Variants in CHIC2 observed in about 807,000 individuals in gnomAD.
CHIC2 encodes cysteine-rich hydrophobic domain-containing protein 2.
CHIC2 carries 14 observed loss-of-function variants against 25.9 expected under a neutral mutation model. That is an observed-to-expected ratio of 0.54 (90% CI 0.36 to 0.85). CHIC2 has a LOEUF of 0.85. Ranked by LOEUF, CHIC2 falls within the 40% of genes least tolerant of loss-of-function variation. CHIC2 has a pLI of 0.01. For missense variants in CHIC2, 146 were observed against 202.0 expected (o/e 0.72, Z 1.68); for synonymous variants, 70 against 72.0 (o/e 0.97, Z 0.14).
chr4:54,080,073 A>G, the CHIC2 span, among the ~76,000 whole-genome samples: 1 of 151,104 alleles, frequency 6.6e-6, no homozygotes, highest in Non-Finnish European at 1.5e-5. Context: ...TATGATATCA[A>G]CTTAAGTATT....
chr4:54,043,091 G>T (rs1577977517), intron 3 of CHIC2, among the ~76,000 whole-genome samples: 1 of 152,182 alleles, frequency 6.6e-6, no homozygotes, highest in East Asian at 1.9e-4. Context: ...AGGGCAGACT[G>T]CTTGAGTCCA....
chr4:54,056,146 TAAG>T (rs1320933509), intron 1 of CHIC2, among the ~76,000 whole-genome samples: 1 of 152,152 alleles, frequency 6.6e-6, no homozygotes, highest in Non-Finnish European at 1.5e-5. Flanking sequence ...TTTTAATTAT[TAAG>T]GTTATAATTT....
At chr4:54,079,727 A>G in the CHIC2 span, among the ~76,000 whole-genome samples, 4 of 152,174 alleles carry the variant, frequency 2.6e-5, no homozygotes, top group Non-Finnish European at 1.5e-5. Context: ...ATCACTTCAC[A>G]CCTGTTAGAA....
At chr4:54,027,679 A>C (rs999554879) in intron 3 of CHIC2, among the ~76,000 whole-genome samples, 3 of 152,218 alleles carry the variant, frequency 2.0e-5, no homozygotes, top group Admixed American at 6.5e-5. Flanking sequence ...GCCTAGGGCT[A>C]GATAAAGAAA....
intron 5 of CHIC2, among the ~76,000 whole-genome samples, chr4:54,010,466 G>A (rs1227853143): frequency 6.6e-6 from 1 of 152,056 alleles, no homozygotes; most frequent in Non-Finnish European, 1.5e-5. Flanking sequence ...ATGCATACAT[G>A]CACGCTCCCC....
chr4:54,087,494 G>A, the CHIC2 span: 51 of 967,234 alleles, frequency 5.3e-5, no homozygotes, highest in Admixed American at 3.0e-5. Context: ...ATATTTCGAC[G>A]TGATGTTAGG....
intron 3 of CHIC2, among the ~76,000 whole-genome samples, chr4:54,019,469 A>G (rs983577049): frequency 6.6e-6 from 1 of 152,178 alleles, no homozygotes; most frequent in Non-Finnish European, 1.5e-5. Flanking sequence ...AATATCCTCT[A>G]GTACTGAGCA....
intron 3 of CHIC2, among the ~76,000 whole-genome samples, chr4:54,039,169 T>C (rs568297788): frequency 9.2e-5 from 14 of 152,252 alleles, no homozygotes; most frequent in Non-Finnish European, 1.5e-4. Context: ...AAAATTTTCA[T>C]GACCTTGGTT....
At chr4:54,018,860 A>T (rs1320847808) in intron 3 of CHIC2, among the ~76,000 whole-genome samples, 5 of 152,030 alleles carry the variant, frequency 3.3e-5, no homozygotes, top group Non-Finnish European at 5.9e-5. Flanking sequence ...GGAAAGCAAA[A>T]TTTCAAATGT....
intron 1 of CHIC2, among the ~76,000 whole-genome samples, chr4:54,051,557 T>A (rs983666675): frequency 6.6e-6 from 1 of 152,104 alleles, no homozygotes; most frequent in Non-Finnish European, 1.5e-5. Flanking sequence ...TTGTCAACTC[T>A]GAGAGAAAAA....
chr4:54,022,998 T>C (rs1042562737), intron 3 of CHIC2, among the ~76,000 whole-genome samples: 1 of 152,108 alleles, frequency 6.6e-6, no homozygotes, highest in Non-Finnish European at 1.5e-5. Flanking sequence ...CAAACCCATA[T>C]ACTCTATCCT....
upstream of CHIC2, among the ~76,000 whole-genome samples, chr4:54,067,927 C>A (rs561215901): frequency 1.2e-4 from 18 of 151,028 alleles, no homozygotes; most frequent in East Asian, 1.4e-3. Flanking sequence ...TGTCCCCCCC[C>A]CCAAATTCAT....
intron 5 of CHIC2, among the ~76,000 whole-genome samples, chr4:54,013,438 T>A (rs1053153199): frequency 6.6e-6 from 1 of 152,102 alleles, no homozygotes; most frequent in African/African-American, 2.4e-5. Flanking sequence ...TTTCTTAAGC[T>A]CCAATGGCTT....
At chr4:54,083,962 T>C in the CHIC2 span, among the ~76,000 whole-genome samples, 14 of 152,176 alleles carry the variant, frequency 9.2e-5, no homozygotes, top group African/African-American at 3.4e-4. Flanking sequence ...GGGCCTGTGC[T>C]CACTCTTGAA....
At chr4:54,030,233 G>C (rs574623608) in intron 3 of CHIC2, among the ~76,000 whole-genome samples, 8 of 152,174 alleles carry the variant, frequency 5.3e-5, no homozygotes, top group Non-Finnish European at 5.9e-5. Context: ...TTATTACAAT[G>C]ATGGCCAGGT....
chr4:54,017,951 T>C (rs1265398843), intron 3 of CHIC2, among the ~76,000 whole-genome samples: 1 of 152,190 alleles, frequency 6.6e-6, no homozygotes, highest in Non-Finnish European at 1.5e-5. Context: ...TAACAGGAGA[T>C]TTAAAAAATA....
chr4:54,017,144 A>C (rs1715761737), intron 3 of CHIC2, among the ~76,000 whole-genome samples: 1 of 151,656 alleles, frequency 6.6e-6, no homozygotes, highest in Non-Finnish European at 1.5e-5. Context: ...TCAGGTAGCT[A>C]TTTCTAATGA....
intron 3 of CHIC2, among the ~76,000 whole-genome samples, chr4:54,044,912 A>G (rs985250172): frequency 6.7e-5 from 10 of 149,046 alleles, no homozygotes; most frequent in African/African-American, 2.6e-4. Flanking sequence ...CAAGACTAAT[A>G]AAGAAGAAAA....
intron 1 of CHIC2, among the ~76,000 whole-genome samples, chr4:54,058,376 G>A (rs906129740): frequency 5.9e-5 from 9 of 152,074 alleles, no homozygotes; most frequent in South Asian, 4.1e-4. Flanking sequence ...AAGTGACTGA[G>A]AATTGAAACC....
Sources: allele counts gnomAD v4.1 joint callset (sites outside exome capture counted in the v4.1 genomes callset), GRCh38; gene constraint gnomAD v4.1.1; transcripts MANE v1.5; gene names NCBI Gene and HGNC (gene_info 2026-07-23, HGNC 2026-07-21).